The following FGF10 variants were observed in gnomAD, a reference collection of about 807,000 sequenced individuals.
The protein encoded by FGF10 is fibroblast growth factor 10.
A neutral mutation model predicts 19.8 loss-of-function variants in FGF10; 2 were observed. That is an observed-to-expected ratio of 0.10 (90% CI 0.04 to 0.32). The LOEUF is 0.32. Among genes scored for constraint, FGF10 ranks in the 10% least tolerant of loss-of-function variants. FGF10 has a pLI of 1.00. For missense variants in FGF10, 191 were observed against 246.3 expected, an observed-to-expected ratio of 0.78 and a Z score of 1.50; for synonymous variants, 112 against 94.0, an observed-to-expected ratio of 1.19 and a Z score of -1.10.
At chr5:44,315,294 G>T (rs1034961909) in intron 1 of FGF10, among the ~76,000 whole-genome samples, 1 of 152,052 alleles carries the variant, frequency 6.6e-6, no homozygotes, top group Non-Finnish European at 1.5e-5. Context: ...GCTGGTGTTT[G>T]AGGTGACTTT....
chr5:44,334,856 G>A (rs1265236897), intron 1 of FGF10, among the ~76,000 whole-genome samples: 1 of 152,074 alleles, frequency 6.6e-6, no homozygotes, highest in Admixed American at 6.6e-5. Context: ...AAGGCTCAGT[G>A]GAAATTGATC....
rs982209181 is a variant in FGF10 at position 44,302,939 on chromosome 5, C to T, written c.*2056G>A. On this transcript the variant is annotated 3_prime_UTR_variant, in exon 3 of 3. Transcript: ENST00000264664. Reference sequence around the variant, plus strand: ...TTGTGGGTGGTCTATGTTTATGTGTCAGGTGCAATTATTATTTTAAAATAA... The same window carrying T: ...TTGTGGGTGGTCTATGTTTATGTGTTAGGTGCAATTATTATTTTAAAATAA... 6.6e-6 allele frequency among the ~76,000 whole-genome samples: 1 copy of T among 151,998 alleles called. No homozygotes were observed. Among genetic ancestry groups the T allele is most frequent in the Non-Finnish European group, 1.5e-5 (1 of 67,992 alleles).
chr5:44,358,325 G>C (rs1284307259), intron 1 of FGF10, among the ~76,000 whole-genome samples: 1 of 151,458 alleles, frequency 6.6e-6, no homozygotes, highest in Non-Finnish European at 1.5e-5. Flanking sequence ...GATTCAGTGG[G>C]CTGCTGTCCT....
At chr5:44,365,486 T>C (rs1402006183) in intron 1 of FGF10, among the ~76,000 whole-genome samples, 1 of 151,932 alleles carries the variant, frequency 6.6e-6, no homozygotes, top group Non-Finnish European at 1.5e-5. Flanking sequence ...ACCTCCCCTT[T>C]CTTGCTCCAT....
chr5:44,382,285 T>C (rs2111921955), intron 1 of FGF10, among the ~76,000 whole-genome samples: 1 of 152,278 alleles, frequency 6.6e-6, no homozygotes, highest in South Asian at 2.1e-4. Context: ...ATTGATCTGA[T>C]TTAAAAGGAA....
intron 1 of FGF10, among the ~76,000 whole-genome samples, chr5:44,339,508 T>C (rs1370290355): frequency 1.3e-5 from 2 of 152,192 alleles, no homozygotes; most frequent in Non-Finnish European, 2.9e-5. Context: ...TTTGTTCTGG[T>C]ATAGCAAGAC....
At chr5:44,307,003 T>C (rs1740091727) in intron 2 of FGF10, among the ~76,000 whole-genome samples, 1 of 152,206 alleles carries the variant, frequency 6.6e-6, no homozygotes, top group African/African-American at 2.4e-5. Context: ...TATGTTCATT[T>C]CAATCAATAA....
intron 1 of FGF10, among the ~76,000 whole-genome samples, chr5:44,363,672 T>C (rs1741540855): frequency 6.6e-6 from 1 of 151,896 alleles, no homozygotes; most frequent in Admixed American, 6.6e-5. Flanking sequence ...TGATAATATC[T>C]TTCTTCATTG....
intron 1 of FGF10, among the ~76,000 whole-genome samples, chr5:44,354,521 A>T (rs1197448071): frequency 6.6e-6 from 1 of 151,490 alleles, no homozygotes; most frequent in Non-Finnish European, 1.5e-5. Context: ...GAAAATCTTC[A>T]GAGACACTAA....
chr5:44,363,981 T>C (rs1741548480), intron 1 of FGF10, among the ~76,000 whole-genome samples: 1 of 151,768 alleles, frequency 6.6e-6, no homozygotes, highest in Non-Finnish European at 1.5e-5. Context: ...CATTGTAGAA[T>C]TCACTATATA....
At chr5:44,306,751 G>A (rs1418548827) in intron 2 of FGF10, among the ~76,000 whole-genome samples, 2 of 152,108 alleles carry the variant, frequency 1.3e-5, no homozygotes, top group African/African-American at 4.8e-5. Context: ...AAATTTTTTA[G>A]TCTTAAATGC....
At chr5:44,309,920 G>A (rs1740168808) in intron 2 of FGF10, among the ~76,000 whole-genome samples, 1 of 152,056 alleles carries the variant, frequency 6.6e-6, no homozygotes, top group Non-Finnish European at 1.5e-5. Context: ...TGAATTAAAG[G>A]TTATTGTCTA....
chr5:44,352,020 A>G (rs758026713), intron 1 of FGF10, among the ~76,000 whole-genome samples: 2 of 151,646 alleles, frequency 1.3e-5, no homozygotes, highest in African/African-American at 2.4e-5. Flanking sequence ...TATTTATAGA[A>G]TCAATCAGTT....
At chr5:44,372,090 C>A (rs986934919) in intron 1 of FGF10, among the ~76,000 whole-genome samples, 1 of 152,134 alleles carries the variant, frequency 6.6e-6, no homozygotes, top group African/African-American at 2.4e-5. Context: ...TTTATTCTCT[C>A]ACAGTTCTGG....
intron 1 of FGF10, among the ~76,000 whole-genome samples, chr5:44,381,800 G>A (rs1741988280): frequency 1.3e-5 from 2 of 152,240 alleles, no homozygotes; most frequent in South Asian, 2.1e-4. Context: ...AAATCTTGCA[G>A]CAATCCCACA....
chr5:44,371,251 G>A (rs1219394144), intron 1 of FGF10, among the ~76,000 whole-genome samples: 1 of 152,090 alleles, frequency 6.6e-6, no homozygotes, highest in African/African-American at 2.4e-5. Context: ...CCCCTTTGAT[G>A]TGTGATGTTC....
Position 44,301,155 on chromosome 5 carries a change from C to A in FGF10, c.*3840G>T, listed in dbSNP as rs1455688782. Among the ~76,000 whole-genome samples, 2 of 151,786 alleles carry A rather than the reference C, an allele frequency of 1.3e-5. No individual in the cohort carries two copies. Among genetic ancestry groups the A allele is most frequent in the Admixed American group, 1.3e-4 (2 of 15,192 alleles). On this transcript the variant is annotated 3_prime_UTR_variant, in exon 3 of 3. Transcript: ENST00000264664. ...TTTTTCAGTTTAAGTTGGAAAAGTC[C>A]TGCTTCATGAAATAAACAAGAACTC...
chr5:44,331,091 G>A (rs975595332), intron 1 of FGF10, among the ~76,000 whole-genome samples: 1 of 152,104 alleles, frequency 6.6e-6, no homozygotes, highest in African/African-American at 2.4e-5. Flanking sequence ...AGAGACAAAT[G>A]AGAAGTGCTT....
chr5:44,308,182 TTAGAGC>T (rs928480274), intron 2 of FGF10, among the ~76,000 whole-genome samples: 85 of 152,134 alleles, frequency 5.6e-4, no homozygotes, highest in African/African-American at 2.0e-3. Flanking sequence ...TTCACAGAGC[TTAGAGC>T]TCAAGATGAA....
Sources: gnomAD v4.1 joint callset for allele counts (sites outside exome capture counted in the v4.1 genomes callset) on GRCh38, gnomAD v4.1.1 for gene constraint, MANE v1.5 for transcripts, NCBI Gene and HGNC (gene_info 2026-07-23, HGNC 2026-07-21) for gene names.